RNF6: variants seen among roughly 807,000 people sequenced by gnomAD.
RNF6 encodes the protein ring finger protein 6.
Under a neutral mutation model 50.1 loss-of-function variants are expected in RNF6, and 21 were observed. The observed-to-expected ratio is 0.42, with a 90% CI of 0.30 to 0.60. RNF6 has a LOEUF of 0.60. Among genes scored for constraint, RNF6 ranks in the 20% least tolerant of loss-of-function variants. The pLI is 0.20. For missense variants in RNF6, 698 were observed against 838.2 expected (o/e 0.83, Z 2.07); for synonymous variants, 255 against 291.8 (o/e 0.87, Z 1.29).
intron 5 of RNF6, among the ~76,000 whole-genome samples, chr13:26,172,381 A>T (rs930221542): frequency 6.6e-6 from 1 of 152,214 alleles, no homozygotes; most frequent in Admixed American, 6.5e-5. Context: ...AAAAGAAAAC[A>T]TTGGTGACAT....
chr13:26,140,563 G>A (rs1417460479), intron 5 of RNF6, among the ~76,000 whole-genome samples: 1 of 152,030 alleles, frequency 6.6e-6, no homozygotes, highest in East Asian at 1.9e-4. Flanking sequence ...ATTCCCTTTA[G>A]GAACTGGAAC....
intron 5 of RNF6, among the ~76,000 whole-genome samples, chr13:26,152,117 T>G (rs954031405): frequency 2.6e-5 from 4 of 152,222 alleles, no homozygotes; most frequent in African/African-American, 9.6e-5. Flanking sequence ...CAAACAAAAT[T>G]TTTACTGTTT....
At chr13:26,144,380 C>A (rs200154781) in intron 5 of RNF6, among the ~76,000 whole-genome samples, 4 of 27,450 alleles carry the variant, frequency 1.5e-4, no homozygotes, top group Non-Finnish European at 3.9e-4. Flanking sequence ...GAAATATCTT[C>A]ATTTTTTTTT....
chr13:26,157,882 AGATGGATGGATGGATGGATG>A (rs61591240), intron 5 of RNF6, among the ~76,000 whole-genome samples: 6 of 149,200 alleles, frequency 4.0e-5, no homozygotes, highest in Non-Finnish European at 7.4e-5. Context: ...AGAGAAAAAG[AGATGGATGGATGGATGGATG>A]GATGGATGGA....
chr13:26,162,601 T>C (rs921311095), intron 5 of RNF6, among the ~76,000 whole-genome samples: 5 of 152,222 alleles, frequency 3.3e-5, no homozygotes, highest in Admixed American at 6.5e-5. Flanking sequence ...AGGCATGCTT[T>C]TCCTCAATGG....
chr13:26,218,335 C>T (rs117024318), intron 4 of RNF6, among the ~76,000 whole-genome samples, 176 bp downstream of exon 4: 2 of 152,280 alleles, frequency 1.3e-5, no homozygotes, highest in East Asian at 3.9e-4. Context: ...GCATTCATTC[C>T]TCTGTCCTAT....
Position 26,188,835 on chromosome 13 carries a change from G to A in RNF6, n.768+26639C>T, listed in dbSNP as rs1030541683. Among the ~76,000 whole-genome samples, 11 of 151,378 alleles carry A rather than the reference G, an allele frequency of 7.3e-5. No homozygotes were observed. The South Asian group carries it at 8.3e-4, about 11-fold the overall frequency. On this transcript the variant is annotated intron_variant and non_coding_transcript_variant, in intron 5 of 5. Transcript: ENST00000468480. ...AGTAGAGATGAGGTTTCAACATGTT[G>A]GCCAGGATGGTCTCAATCTCTTGAC...
intron 5 of RNF6, among the ~76,000 whole-genome samples, chr13:26,162,033 G>C (rs749122349): frequency 6.6e-5 from 10 of 152,112 alleles, no homozygotes; most frequent in Non-Finnish European, 1.2e-4. Context: ...TTTATCTTCT[G>C]TATATTATGA....
chr13:26,179,797 C>T (rs978257555), intron 5 of RNF6, among the ~76,000 whole-genome samples: 1 of 152,212 alleles, frequency 6.6e-6, no homozygotes, highest in Non-Finnish European at 1.5e-5. Context: ...CGTTGACTGA[C>T]ACGATCTCAG....
At chr13:26,188,781 C>T (rs1262210063) in intron 5 of RNF6, among the ~76,000 whole-genome samples, 1 of 151,744 alleles carries the variant, frequency 6.6e-6, no homozygotes, top group Non-Finnish European at 1.5e-5. Flanking sequence ...AGGCACATGC[C>T]ACCATGCCCG....
intron 5 of RNF6, among the ~76,000 whole-genome samples, chr13:26,180,493 G>A (rs1873183372): frequency 6.6e-6 from 1 of 152,120 alleles, no homozygotes; most frequent in African/African-American, 2.4e-5. Flanking sequence ...GGAACCACAT[G>A]TCACTCTGGT....
At position 26,215,538 on chromosome 13, in the gene RNF6, T is replaced by A; in HGVS notation, c.344A>T (p.Asn115Ile). The part of the protein sequence containing the change: ...SHEDSLLEWL[N>I]TFRRTGNATR... Reference sequence around the variant, plus strand: ...TGCATTTCCTGTGCGCCGAAAGGTGTTCAACCATTCTAGAAGAGAATCTTC... The same window carrying A: ...TGCATTTCCTGTGCGCCGAAAGGTGATCAACCATTCTAGAAGAGAATCTTC... Residue 115 changes from asparagine to isoleucine, a missense_variant, in exon 5 of 5, where the codon AAC (asparagine) becomes ATC (isoleucine). Transcript: ENST00000381588. 1 of 1,612,418 alleles carries A rather than the reference T, an allele frequency of 6.2e-7. No individual in the cohort carries two copies. Among genetic ancestry groups the A allele is most frequent in the Non-Finnish European group, 8.5e-7 (1 of 1,180,016 alleles).
intron 5 of RNF6, among the ~76,000 whole-genome samples, chr13:26,140,670 A>G (rs1418215355): frequency 6.6e-6 from 1 of 152,184 alleles, no homozygotes; most frequent in East Asian, 1.9e-4. Context: ...AGGCATACAA[A>G]TAGGAAAAGA....
chr13:26,183,925 T>A (rs1873362276), intron 5 of RNF6, among the ~76,000 whole-genome samples: 1 of 144,238 alleles, frequency 6.9e-6, no homozygotes, highest in African/African-American at 2.5e-5. Context: ...ATACAATATT[T>A]ATTTTTTTAT....
intron 5 of RNF6, among the ~76,000 whole-genome samples, chr13:26,143,825 T>C (rs1871088295): frequency 6.6e-6 from 1 of 152,172 alleles, no homozygotes; most frequent in Non-Finnish European, 1.5e-5. Context: ...ATGGGCCCAT[T>C]GCCACACTTC....
At chr13:26,165,988 G>A (rs1872431969) in intron 5 of RNF6, among the ~76,000 whole-genome samples, 1 of 152,140 alleles carries the variant, frequency 6.6e-6, no homozygotes. Context: ...GAGGGACCAG[G>A]AGTGGAATGT....
chr13:26,219,505 C>A lies in RNF6; in HGVS notation c.145G>T (p.Asp49Tyr). 1 of 1,613,928 alleles carries A rather than the reference C, an allele frequency of 6.2e-7. No individual in the cohort carries two copies. Among genetic ancestry groups the A allele is most frequent in the Non-Finnish European group, 8.5e-7 (1 of 1,179,894 alleles). The change falls in exon 3 of 5, where the codon GAT (aspartate) becomes TAT (tyrosine). Residue 49 changes from aspartate to tyrosine, a missense_variant. Physicochemically the swap from Asp to Tyr is radical, Grantham distance 160 (BLOSUM62 -3). Coordinates refer to ENST00000381588, the MANE Select transcript of RNF6 (RefSeq NM_005977.4). Reference protein sequence around the residue: ...AYYQFINELNDEDYRLMRDHN... With the variant: ...AYYQFINELNYEDYRLMRDHN... Reference sequence around the variant, plus strand: ...TCTCTCATAAGCCGATAATCTTCATCATTGAGTTCATTAATAAACTGATAA... The same window carrying A: ...TCTCTCATAAGCCGATAATCTTCATAATTGAGTTCATTAATAAACTGATAA...
In RNF6 at chr13:26,170,472, G is replaced by C. The variant is rs549179594; in HGVS notation, n.769-38021C>G. Among the ~76,000 whole-genome samples, 20 of 123,496 alleles carry C rather than the reference G, an allele frequency of 1.6e-4. No homozygotes were observed. In the East Asian group the frequency reaches 4.4e-3, roughly 27 times the overall value. 81.0% of individuals were successfully genotyped at this position (123,496 alleles called of 152,430 possible). The stretch of plus-strand genomic sequence containing the variant: ...GTTTTGTGCAGCTATTTCTCTTTAC[G>C]CATTTTACTAACTATCCATGCGTGA... On this transcript the variant is annotated intron_variant and non_coding_transcript_variant, in intron 5 of 5. Coordinates refer to the RNF6 transcript ENST00000468480.
intron 5 of RNF6, among the ~76,000 whole-genome samples, chr13:26,149,996 ACACAGTG>A: frequency 7.5e-6 from 1 of 132,944 alleles, no homozygotes; most frequent in African/African-American, 2.9e-5. Flanking sequence ...ATATATATAT[ACACAGTG>A]TATATATAAT....
Sources: gnomAD v4.1 joint callset for allele counts (sites outside exome capture counted in the v4.1 genomes callset) on GRCh38, gnomAD v4.1.1 for gene constraint, MANE v1.5 for transcripts, NCBI Gene and HGNC (gene_info 2026-07-23, HGNC 2026-07-21) for gene names.